Variants in TCF12 observed in about 807,000 individuals in gnomAD.
TCF12 encodes the protein DNA-binding protein HTF4.
A neutral mutation model predicts 86.0 loss-of-function variants in TCF12; 45 were observed. That is an observed-to-expected ratio of 0.52 (90% confidence interval 0.41 to 0.67). The LOEUF (loss-of-function observed/expected upper bound fraction) is 0.67, where lower values mean the gene tolerates loss of function less well. Ranked by LOEUF, TCF12 falls within the 30% of genes least tolerant of loss-of-function variation. The probability of loss-of-function intolerance (pLI) is 0.00; values close to 1 mark genes in which losing one functional copy is unlikely to be tolerated. For synonymous variants in TCF12, 330 were observed against 299.6 expected, an observed-to-expected ratio of 1.10 and a Z score of -1.05; for missense variants, 881 against 859.9, an observed-to-expected ratio of 1.02 and a Z score of -0.31.
chr15:57,252,309 G>C, intron 14 of TCF12, 112 bp from the exon 15 acceptor site: 2 of 721,870 alleles, frequency 2.8e-6, no homozygotes, highest in Admixed American at 2.5e-5. Context: ...GCAAGTCTTG[G>C]CGTTAACTTT....
At chr15:57,172,286 A>G (rs755003123) in intron 6 of TCF12, among the ~76,000 whole-genome samples, 4 of 152,242 alleles carry the variant, frequency 2.6e-5, no homozygotes, top group African/African-American at 4.8e-5. Flanking sequence ...CAAATTGACA[A>G]TCATGCTTGG....
At chr15:57,213,994 A>C (rs1469371280) in intron 8 of TCF12, 3 of 152,176 alleles carry the variant, frequency 2.0e-5, no homozygotes, top group Non-Finnish European at 4.4e-5. Flanking sequence ...TCCTTTGATT[A>C]TGGAGCCATC....
chr15:57,128,147 AGT>A (rs1466689989), intron 5 of TCF12, among the ~76,000 whole-genome samples: 1 of 152,184 alleles, frequency 6.6e-6, no homozygotes, highest in Non-Finnish European at 1.5e-5. Flanking sequence ...GTCCGCTTCA[AGT>A]GTGGGCTGTT....
intron 3 of TCF12, among the ~76,000 whole-genome samples, chr15:57,018,618 A>G (rs1463893367): frequency 1.3e-5 from 2 of 151,944 alleles, no homozygotes; most frequent in Non-Finnish European, 2.9e-5. Flanking sequence ...ACGTGCCAGC[A>G]TGCCCATCTT....
At chr15:57,106,595 T>C (rs2050147995) in intron 5 of TCF12, among the ~76,000 whole-genome samples, 1 of 152,202 alleles carries the variant, frequency 6.6e-6, no homozygotes, top group Non-Finnish European at 1.5e-5. Context: ...GTTATTGCCA[T>C]GTGCATGTAA....
chr15:57,196,517 A>C (rs1413260104), intron 7 of TCF12, among the ~76,000 whole-genome samples: 1 of 152,172 alleles, frequency 6.6e-6, no homozygotes, highest in Admixed American at 6.5e-5. Flanking sequence ...CAGCTTCCTC[A>C]TGTGTTCTCT....
rs141042504 is a variant in TCF12 at position 57,238,524 on chromosome 15, T to G, written c.1035+4417T>G. On this transcript the variant is annotated intron_variant, in intron 12 of 20. Transcript: ENST00000333725. ...ACCATATGATTATTCTCAAAGCTTA[T>G]GCCATAAAACTGATTTGAAATTAAG... Among the ~76,000 whole-genome samples the G allele has an allele frequency of 2.1e-3, 319 of 152,324 alleles. 1 individual carries two copies. Among genetic ancestry groups the G allele is most frequent in the African/African-American group, 7.3e-3 (303 of 41,584 alleles).
chr15:56,929,770 T>C (rs1184163747), intron 3 of TCF12, among the ~76,000 whole-genome samples: 2 of 152,174 alleles, frequency 1.3e-5, no homozygotes, highest in Admixed American at 1.3e-4. Flanking sequence ...AAAAAACCAC[T>C]ACTACCATAA....
intron 5 of TCF12, among the ~76,000 whole-genome samples, chr15:57,106,357 A>T (rs1283628555): frequency 6.6e-6 from 1 of 152,248 alleles, no homozygotes; most frequent in Non-Finnish European, 1.5e-5. Context: ...TGAAAAGTAC[A>T]TGGGAATTTT....
intron 4 of TCF12, among the ~76,000 whole-genome samples, chr15:57,076,777 G>A (rs771743957): frequency 6.6e-6 from 1 of 152,130 alleles, no homozygotes; most frequent in Non-Finnish European, 1.5e-5. Flanking sequence ...GTTAGGCAGT[G>A]TAAACATTTA....
At chr15:56,950,913 C>T (rs2061243607) in intron 3 of TCF12, among the ~76,000 whole-genome samples, 1 of 151,760 alleles carries the variant, frequency 6.6e-6, no homozygotes, top group Non-Finnish European at 1.5e-5. Flanking sequence ...TGTACCACCA[C>T]ACCTGGCTAA....
chr15:57,117,914 TC>T (rs749065086), intron 5 of TCF12, among the ~76,000 whole-genome samples: 12 of 151,466 alleles, frequency 7.9e-5, no homozygotes, highest in Non-Finnish European at 1.6e-4. Context: ...CAATAGTCTG[TC>T]CATAGAAATA....
chr15:56,954,026 T>C (rs1433288408), intron 3 of TCF12, among the ~76,000 whole-genome samples: 1 of 152,104 alleles, frequency 6.6e-6, no homozygotes, highest in Non-Finnish European at 1.5e-5. Context: ...AGACCTTTCT[T>C]TTTTTCTAAT....
At chr15:57,082,322 G>A (rs1474155290) in intron 4 of TCF12, among the ~76,000 whole-genome samples, 1 of 152,164 alleles carries the variant, frequency 6.6e-6, no homozygotes, top group Non-Finnish European at 1.5e-5. Context: ...CACAACACTG[G>A]CTATCAAGAT....
At chr15:57,057,718 G>A (rs960249414) in intron 3 of TCF12, among the ~76,000 whole-genome samples, 1 of 152,178 alleles carries the variant, frequency 6.6e-6, no homozygotes, top group Non-Finnish European at 1.5e-5. Flanking sequence ...GGTAGGTTTT[G>A]AGCACAGGAT....
intron 4 of TCF12, among the ~76,000 whole-genome samples, chr15:57,088,201 C>T (rs1425866997): frequency 6.6e-6 from 1 of 152,142 alleles, no homozygotes; most frequent in Non-Finnish European, 1.5e-5. Context: ...GGCCATTTAC[C>T]TTCAACCTAT....
At chr15:57,201,545 T>C (rs1172751804) in intron 8 of TCF12, among the ~76,000 whole-genome samples, 2 of 151,994 alleles carry the variant, frequency 1.3e-5, no homozygotes, top group Admixed American at 6.6e-5. Context: ...CTTTGTAATT[T>C]TCCTATAGCA....
chr15:56,986,110 G>T (rs2063166919), intron 3 of TCF12, among the ~76,000 whole-genome samples: 1 of 152,090 alleles, frequency 6.6e-6, no homozygotes, highest in Admixed American at 6.6e-5. Context: ...TGGGTTTTCT[G>T]AATGGCTTAA....
At chr15:56,954,402 C>T (rs1195427008) in intron 3 of TCF12, among the ~76,000 whole-genome samples, 2 of 152,124 alleles carry the variant, frequency 1.3e-5, no homozygotes, top group African/African-American at 4.8e-5. Flanking sequence ...TTCCTTAACA[C>T]CTTGTCCAAA....
Sources: allele counts gnomAD v4.1 joint callset (sites outside exome capture counted in the v4.1 genomes callset), GRCh38; gene constraint gnomAD v4.1.1; transcripts MANE v1.5; gene names NCBI Gene and HGNC (gene_info 2026-07-23, HGNC 2026-07-21).